The following TNS3 variants were observed in gnomAD, a reference collection of about 807,000 sequenced individuals.
TNS3 encodes tensin-3.
A neutral mutation model predicts 140.9 loss-of-function variants in TNS3; 45 were observed. The ratio of observed to expected loss-of-function variants is 0.32; its 90% CI spans 0.25 to 0.41. The LOEUF is 0.41. Ranked by LOEUF, TNS3 falls within the 10% of genes least tolerant of loss-of-function variation. The probability of loss-of-function intolerance (pLI) is 1.00; values close to 1 mark genes in which losing one functional copy is unlikely to be tolerated. For missense variants in TNS3, 1,716 were observed against 1,906.7 expected (o/e 0.90, Z 1.86); for synonymous variants, 815 against 788.4 (o/e 1.03, Z -0.56).
intron 15 of TNS3, 125 bp from the exon 16 acceptor site, chr7:47,397,029 A>C (rs1584562560): frequency 4.6e-5 from 31 of 678,552 alleles, no homozygotes; most frequent in South Asian, 5.2e-5. Flanking sequence ...TCCATCCTCC[A>C]CCCTCCTGCC....
intron 4 of TNS3, among the ~76,000 whole-genome samples, chr7:47,444,544 T>A (rs1353582078): frequency 6.6e-6 from 1 of 152,114 alleles, no homozygotes; most frequent in African/African-American, 2.4e-5. Flanking sequence ...AGTGTCACCG[T>A]CCCTCAGGCG....
intron 5 of TNS3, among the ~76,000 whole-genome samples, chr7:47,440,180 G>A (rs1795395880): frequency 3.3e-5 from 5 of 152,128 alleles, no homozygotes; most frequent in Admixed American, 3.3e-4. Flanking sequence ...CCTGGGGGAG[G>A]TGCGGCCAAG....
At position 47,372,959 on chromosome 7, in the gene TNS3, G is replaced by A. The variant is rs534451885; in HGVS notation, c.1025-3338C>T. Among the ~76,000 whole-genome samples the A allele has an allele frequency of 2.6e-5, 4 of 152,288 alleles. No homozygotes were observed. The East Asian group carries it at 7.7e-4, about 29-fold the overall frequency. On this transcript the variant is annotated intron_variant, in intron 16 of 30. Coordinates refer to ENST00000311160, the MANE Select transcript of TNS3 (RefSeq NM_022748.12). ...CAAGCTTCTGAATCACTCTGTAGGA[G>A]CACAGATCTTCCTAAAGGTGCAGAG...
At chr7:47,381,210 TGCTTTCTTCAAAG>T (rs1323610409) in intron 16 of TNS3, among the ~76,000 whole-genome samples, 1 of 152,216 alleles carries the variant, frequency 6.6e-6, no homozygotes, top group Non-Finnish European at 1.5e-5. Flanking sequence ...AGCCTCCTTT[TGCTTTCTTCAAAG>T]TAACCAGGCG....
chr7:47,487,605 A>G (rs980143572), intron 3 of TNS3, among the ~76,000 whole-genome samples: 4 of 152,174 alleles, frequency 2.6e-5, no homozygotes, highest in African/African-American at 9.7e-5. Flanking sequence ...GTGGGACAGC[A>G]TTCAGGTGCA....
chr7:47,464,267 A>G (rs186077622), intron 4 of TNS3, among the ~76,000 whole-genome samples: 315 of 152,274 alleles, frequency 2.1e-3, no homozygotes, highest in African/African-American at 6.6e-3. Flanking sequence ...AGGCAAACAC[A>G]CTGAGGACTC....
intron 4 of TNS3, among the ~76,000 whole-genome samples, chr7:47,467,605 C>T (rs1796773066): frequency 6.6e-6 from 1 of 152,056 alleles, no homozygotes; most frequent in South Asian, 2.1e-4. Flanking sequence ...AGACTTGGGT[C>T]CCCAGCAACA....
chr7:47,488,240 AAGG>A (rs1797683279), intron 3 of TNS3, among the ~76,000 whole-genome samples: 1 of 152,202 alleles, frequency 6.6e-6, no homozygotes, highest in African/African-American at 2.4e-5. Context: ...AGGGCAGGGT[AAGG>A]AGAATAATCA....
At chr7:47,333,190 A>C (rs1053425942) in intron 20 of TNS3, among the ~76,000 whole-genome samples, 1 of 152,092 alleles carries the variant, frequency 6.6e-6, no homozygotes, top group Non-Finnish European at 1.5e-5. Context: ...ACAGGCCAGC[A>C]CTTTAGGCTG....
chr7:47,321,142 G>C (rs1478495699), intron 20 of TNS3, among the ~76,000 whole-genome samples: 1 of 152,220 alleles, frequency 6.6e-6, no homozygotes, highest in Non-Finnish European at 1.5e-5. Context: ...GAGCCAGCCC[G>C]AGGAGGGAGA....
At chr7:47,470,253 A>G (rs74635997) in intron 4 of TNS3, among the ~76,000 whole-genome samples, 10,285 of 152,216 alleles carry the variant, frequency 0.068, 382 homozygotes, top group Non-Finnish European at 0.073. Flanking sequence ...AAAACCACCT[A>G]TTGGGTACTA....
chr7:47,300,496 T>A (rs1013037082), intron 23 of TNS3, among the ~76,000 whole-genome samples: 1 of 152,312 alleles, frequency 6.6e-6, no homozygotes, highest in East Asian at 1.9e-4. Flanking sequence ...ACCTTCCACA[T>A]GGCACTGCTC....
At chr7:47,330,968 G>A (rs550669937) in intron 20 of TNS3, among the ~76,000 whole-genome samples, 43 of 152,232 alleles carry the variant, frequency 2.8e-4, no homozygotes, top group East Asian at 2.5e-3. Flanking sequence ...GGACTCGGGC[G>A]AACCTTATGT....
intron 4 of TNS3, among the ~76,000 whole-genome samples, chr7:47,474,988 G>A (rs971154431): frequency 7.2e-6 from 1 of 139,462 alleles, no homozygotes; most frequent in African/African-American, 2.7e-5. Flanking sequence ...ACACTGCAAC[G>A]CACTCAAAGC....
rs188048728 is a variant in TNS3 at position 47,316,667 on chromosome 7, C to T, written c.2651-11664G>A. Among the ~76,000 whole-genome samples, 315 of 146,284 alleles carry T rather than the reference C, an allele frequency of 2.2e-3. 1 individual carries two copies. The highest frequency in any genetic ancestry group is 3.8e-3 in the Non-Finnish European group (255 of 67,278). On this transcript the variant is annotated intron_variant, in intron 20 of 30. Coordinates refer to ENST00000311160, the MANE Select transcript of TNS3 (RefSeq NM_022748.12). ...AACATTGTGAAACACCGTCTCTATT[C>T]AAAATACAAAAGTTAGCCAGAAATC...
chr7:47,566,761 C>G (rs927061630), intron 1 of TNS3, among the ~76,000 whole-genome samples: 3 of 152,072 alleles, frequency 2.0e-5, no homozygotes, highest in Admixed American at 6.6e-5. Flanking sequence ...ATCTCATGGC[C>G]GGGCACGGTA....
chr7:47,356,534 A>C (rs1306580980), intron 17 of TNS3, among the ~76,000 whole-genome samples: 1 of 152,220 alleles, frequency 6.6e-6, no homozygotes, highest in African/African-American at 2.4e-5. Flanking sequence ...TGACTCCAAC[A>C]TGCAAGACAA....
chr7:47,525,752 CTCAA>C (rs1332466916), intron 2 of TNS3, among the ~76,000 whole-genome samples: 1 of 152,240 alleles, frequency 6.6e-6, no homozygotes, highest in Admixed American at 6.5e-5. Context: ...TATGCATGAA[CTCAA>C]TCATGCATGC....
chr7:47,567,420 CACACCTGTAA>C (rs1800452891), intron 1 of TNS3, among the ~76,000 whole-genome samples: 1 of 152,174 alleles, frequency 6.6e-6, no homozygotes, highest in African/African-American at 2.4e-5. Flanking sequence ...CACAGTGGCT[CACACCTGTAA>C]TCCCAGCATT....
Sources: gnomAD v4.1 joint callset for allele counts (sites outside exome capture counted in the v4.1 genomes callset) on GRCh38, gnomAD v4.1.1 for gene constraint, MANE v1.5 for transcripts, NCBI Gene and HGNC (gene_info 2026-07-23, HGNC 2026-07-21) for gene names.